The following FRMPD3 variants were observed in gnomAD, a reference collection of about 807,000 sequenced individuals.
FRMPD3 encodes FERM and PDZ domain-containing protein 3.
In FRMPD3, 42 loss-of-function variants were observed where a neutral mutation model predicts 97.9. That is an observed-to-expected ratio of 0.43 (90% CI 0.34 to 0.55). The LOEUF (loss-of-function observed/expected upper bound fraction) is 0.55, where lower values mean the gene tolerates loss of function less well. FRMPD3 is among the 20% of genes least tolerant of loss of function. FRMPD3 has a pLI of 0.03. For synonymous variants in FRMPD3, 577 were observed against 581.1 expected, an observed-to-expected ratio of 0.99 and a Z score of 0.10; for missense variants, 1,303 against 1,457.7, an observed-to-expected ratio of 0.89 and a Z score of 1.73.
chrX:107,588,875 C>T (rs954555349), intron 13 of FRMPD3, among the ~76,000 whole-genome samples: 3 of 110,718 alleles, frequency 2.7e-5, no homozygotes, highest in Non-Finnish European at 5.7e-5. Flanking sequence ...ATTCAGCTAT[C>T]GATACTTGTG....
intron 1 of FRMPD3, among the ~76,000 whole-genome samples, chrX:107,504,164 AG>A (rs752220256): frequency 2.7e-5 from 3 of 112,790 alleles, no homozygotes; most frequent in Non-Finnish European, 5.6e-5. Flanking sequence ...GAGACTGCCA[AG>A]GGAGGCTGGG....
intron 4 of FRMPD3, among the ~76,000 whole-genome samples, chrX:107,542,256 TAATC>T (rs1251734171): frequency 1.8e-5 from 2 of 112,707 alleles, no homozygotes; most frequent in Non-Finnish European, 3.7e-5. Context: ...ACTCCATGTA[TAATC>T]AATACTGTAA....
chrX:107,489,995 A>C (rs1921614685), intron 1 of FRMPD3, among the ~76,000 whole-genome samples: 1 of 111,967 alleles, frequency 8.9e-6, no homozygotes, highest in African/African-American at 3.2e-5. Context: ...TCTTTAATCC[A>C]TCTTGAATTA....
chrX:107,534,845 C>T (rs897780435), intron 4 of FRMPD3, among the ~76,000 whole-genome samples: 5 of 112,383 alleles, frequency 4.4e-5, no homozygotes, highest in East Asian at 2.8e-4. Flanking sequence ...CACATATACA[C>T]GCACTCATGT....
chrX:107,596,437 G>A (rs755547084), intron 13 of FRMPD3, among the ~76,000 whole-genome samples: 1 of 112,000 alleles, frequency 8.9e-6, no homozygotes, highest in Non-Finnish European at 1.9e-5. Flanking sequence ...TCTGCTGTCC[G>A]AGTATATTCT....
intron 5 of FRMPD3, among the ~76,000 whole-genome samples, chrX:107,548,161 C>G (rs1205234986): frequency 8.9e-6 from 1 of 112,159 alleles, no homozygotes; most frequent in Admixed American, 9.4e-5. Flanking sequence ...TCATCCACAC[C>G]CACTGTCTCC....
chrX:107,478,034 G>A (rs1921247389), intron 1 of FRMPD3, among the ~76,000 whole-genome samples: 1 of 111,305 alleles, frequency 9.0e-6, no homozygotes, highest in Non-Finnish European at 1.9e-5. Flanking sequence ...TCCTCAGTAA[G>A]CTTTCCCTTC....
Position 107,552,821 on chromosome X carries a change from C to T in FRMPD3, c.537C>T (p.Arg179=). ...ATGTGATGTTGACATTACAGGACCG[C>T]CTTTCCCTGAGGTTCATTGAGCACT... ...VKDVMLTLQD[R]LSLRFIEHFA... The change falls in exon 7 of 15, where the codon CGC becomes CGT. Residue 179 remains arginine (R), a synonymous_variant. Coordinates refer to ENST00000683843, the MANE Select transcript of FRMPD3 (RefSeq NM_001388459.1). 1 of 1,210,209 alleles carries T rather than the reference C, an allele frequency of 8.3e-7. No homozygotes were observed. Among genetic ancestry groups the T allele is most frequent in the Non-Finnish European group, 1.1e-6 (1 of 894,920 alleles).
chrX:107,459,863 G>A lies in FRMPD3; in HGVS notation c.-8+9858G>A, dbSNP rs866579825. Among the ~76,000 whole-genome samples the A allele has an allele frequency of 6.9e-4, 70 of 101,050 alleles. 1 individual carries two copies. The highest frequency in any genetic ancestry group is 2.3e-3 in the African/African-American group (63 of 27,026). The allele number at this position is 101,050 out of a possible 115,157, so 87.7% of individuals were successfully genotyped here. A position where few individuals can be genotyped will look rare whatever the true frequency, so the allele number is the denominator to read the frequency against. On this transcript the variant is annotated intron_variant, in intron 1 of 14. Coordinates refer to ENST00000683843, the MANE Select transcript of FRMPD3 (RefSeq NM_001388459.1). ...GGTGGATGAACACACGTGTGTGTGC[G>A]TGCGTGCACGCAAGCATACATACAC...
chrX:107,504,034 GC>G (rs1428671261), intron 1 of FRMPD3, among the ~76,000 whole-genome samples: 1 of 112,724 alleles, frequency 8.9e-6, no homozygotes, highest in African/African-American at 3.2e-5. Flanking sequence ...GATAACATCA[GC>G]CTGTCTGGAG....
Position 107,602,081 on chromosome X carries a change from A to G in FRMPD3, c.4042A>G (p.Asn1348Asp). ...GPGVSLSSPINVQRIRSTSLE... is the reference protein window; with the variant it reads ...GPGVSLSSPIDVQRIRSTSLE... ...AGGCGTGAGCCTCAGCAGCCCCATC[A>G]ATGTCCAGCGCATTCGTTCTACCAG... Residue 1348 changes from asparagine to aspartate, a missense_variant, in exon 15 of 15, where the codon AAT (asparagine) becomes GAT (aspartate). Around this residue, in one of 3 missense-constraint regions of FRMPD3, gnomAD observed 764 missense variants for 820.2 expected, o/e 0.93. Coordinates refer to ENST00000683843, the MANE Select transcript of FRMPD3 (RefSeq NM_001388459.1). The G allele has an allele frequency of 1.2e-5, 15 of 1,203,817 alleles. No homozygotes were observed. The highest frequency in any genetic ancestry group is 1.7e-5 in the Non-Finnish European group (15 of 891,908).
chrX:107,530,126 G>A (rs1396923460), intron 2 of FRMPD3, among the ~76,000 whole-genome samples: 4 of 112,221 alleles, frequency 3.6e-5, no homozygotes, highest in African/African-American at 6.5e-5. Context: ...TGGAATGCTC[G>A]CTTCTGAAGT....
chrX:107,491,088 C>T (rs781696644), intron 1 of FRMPD3, among the ~76,000 whole-genome samples: 6 of 111,662 alleles, frequency 5.4e-5, no homozygotes, highest in Admixed American at 1.9e-4. Context: ...TTGAAACCCA[C>T]GACTATCTGA....
intron 1 of FRMPD3, among the ~76,000 whole-genome samples, chrX:107,519,406 A>T: frequency 9.0e-6 from 1 of 111,576 alleles, no homozygotes; most frequent in East Asian, 2.8e-4. Flanking sequence ...CTGAGGTGGG[A>T]TTGCTTGAGC....
chrX:107,467,296 A>AGT (rs1005964260), intron 1 of FRMPD3, among the ~76,000 whole-genome samples: 7 of 100,792 alleles, frequency 6.9e-5, no homozygotes, highest in African/African-American at 1.9e-4. Flanking sequence ...TGTGAGTGTG[A>AGT]GTGTGTGTGT....
intron 1 of FRMPD3, chrX:107,525,800 G>A: frequency 4.4e-6 from 2 of 449,916 alleles, no homozygotes; most frequent in South Asian, 6.5e-5. Context: ...GATGAGCCAG[G>A]CATGGTGGCT....
chrX:107,523,526 T>C, intron 1 of FRMPD3, among the ~76,000 whole-genome samples: 1 of 112,079 alleles, frequency 8.9e-6, no homozygotes, highest in Non-Finnish European at 1.9e-5. Flanking sequence ...TTCTCCAGCT[T>C]CTCTGCCCCA....
chrX:107,491,405 T>G (rs1921652691), intron 1 of FRMPD3, among the ~76,000 whole-genome samples: 1 of 112,415 alleles, frequency 8.9e-6, no homozygotes, highest in Admixed American at 9.4e-5. Flanking sequence ...CATGTTGCTA[T>G]GAGATAGATA....
In FRMPD3 at chrX:107,526,664, C is replaced by T. The variant is rs755795642; in HGVS notation, c.76C>T (p.Arg26Ter). ...AEILRQVTVHRDPIYGFGFVA... is the reference protein window; with the variant it reads ...AEILRQVTVH ...GATACTGCGACAAGTGACCGTTCACCGAGACCCTATATATGGCTTTGGCTT... is the reference window on the plus strand; with the variant it reads ...GATACTGCGACAAGTGACCGTTCACTGAGACCCTATATATGGCTTTGGCTT... Residue 26 changes from arginine (R) to a stop codon, truncating the protein, a stop_gained, in exon 2 of 15, where the codon CGA (arginine) becomes TGA (stop). Transcript: ENST00000683843. LOFTEE classifies it high-confidence loss of function. 9.1e-6 allele frequency: 11 copies of T among 1,205,971 alleles called. No homozygotes were observed. Among genetic ancestry groups the T allele is most frequent in the East Asian group, 5.9e-5 (2 of 33,738 alleles).
Sources: allele counts gnomAD v4.1 joint callset (sites outside exome capture counted in the v4.1 genomes callset), GRCh38; gene constraint gnomAD v4.1.1; regional missense constraint gnomAD v4.1.1; transcripts MANE v1.5; gene names NCBI Gene and HGNC (gene_info 2026-07-23, HGNC 2026-07-21).